Variants in DOCK1 observed in about 807,000 individuals in gnomAD.
DOCK1 encodes dedicator of cytokinesis 1.
DOCK1 carries 138 observed loss-of-function variants against 262.7 expected under a neutral mutation model. The ratio of observed to expected loss-of-function variants is 0.53; its 90% CI spans 0.46 to 0.61. The LOEUF is 0.61. DOCK1 is among the 20% of genes least tolerant of loss of function. The probability of loss-of-function intolerance (pLI) is 0.00; values close to 1 mark genes in which losing one functional copy is unlikely to be tolerated. For synonymous variants in DOCK1, 866 were observed against 867.4 expected (o/e 1.00, Z 0.03); for missense variants, 1,908 against 2,370.7 (o/e 0.80, Z 4.05).
intron 1 of DOCK1, among the ~76,000 whole-genome samples, chr10:126,926,507 C>A (rs76927609): frequency 0.015 from 2,231 of 152,240 alleles, 45 homozygotes; most frequent in African/African-American, 0.051. Context: ...ACTTAATAAA[C>A]ATTCTATGCC....
At chr10:126,917,318 G>A (rs539198075) in intron 1 of DOCK1, among the ~76,000 whole-genome samples, 7 of 152,342 alleles carry the variant, frequency 4.6e-5, no homozygotes, top group African/African-American at 1.4e-4. Flanking sequence ...CGGGCTTGTG[G>A]GTAATGAACT....
intron 22 of DOCK1, among the ~76,000 whole-genome samples, chr10:127,055,163 CTTTT>C (rs552748287): frequency 6.8e-6 from 1 of 146,908 alleles, no homozygotes; most frequent in African/African-American, 2.5e-5. Flanking sequence ...ATGGGGTTCA[CTTTT>C]TTTTTTTAGT....
intron 33 of DOCK1, among the ~76,000 whole-genome samples, chr10:127,366,079 A>G (rs1200567173): frequency 6.6e-6 from 1 of 152,132 alleles, no homozygotes; most frequent in Non-Finnish European, 1.5e-5. Context: ...CTGAAGACAC[A>G]GATTCACCCA....
intron 1 of DOCK1, among the ~76,000 whole-genome samples, chr10:126,939,559 C>T (rs942923542): frequency 3.9e-5 from 6 of 152,190 alleles, no homozygotes; most frequent in Admixed American, 6.5e-5. Flanking sequence ...ATTTTTCTCT[C>T]GTTTGTAGCA....
chr10:127,023,187 T>C lies in DOCK1; in HGVS notation c.1328-13T>C, dbSNP rs764919394. On this transcript the variant is annotated splice_polypyrimidine_tract_variant and intron_variant, in intron 13 of 51. Coordinates refer to ENST00000623213, the MANE Select transcript of DOCK1 (RefSeq NM_001290223.2). Reference sequence around the variant, plus strand: ...TGGATTGTTTTTTAAATGTATGATTTCTCCCCCCTCAGGTGATGTTCGAAA... The same window carrying C: ...TGGATTGTTTTTTAAATGTATGATTCCTCCCCCCTCAGGTGATGTTCGAAA... The C allele has an allele frequency of 3.6e-5, 58 of 1,612,012 alleles. 4 individuals carry two copies. The South Asian group carries it at 6.1e-4, about 17-fold the overall frequency.
intron 28 of DOCK1, among the ~76,000 whole-genome samples, chr10:127,249,426 T>C (rs1215969958): frequency 8.4e-5 from 5 of 59,418 alleles, no homozygotes; most frequent in African/African-American, 3.6e-4. Flanking sequence ...CATGTACATA[T>C]ATATATACAC....
chr10:127,036,043 T>TAAATTAAAA (rs1554870785), intron 18 of DOCK1, among the ~76,000 whole-genome samples: 1 of 147,562 alleles, frequency 6.8e-6, no homozygotes, highest in African/African-American at 2.5e-5. Context: ...AATAAATAAA[T>TAAATTAAAA]AAAAAAGAGT....
intron 16 of DOCK1, 73 bp downstream of exon 16, chr10:127,026,497 T>G: frequency 7.2e-7 from 1 of 1,389,336 alleles, no homozygotes; most frequent in Non-Finnish European, 1.0e-6. Flanking sequence ...GAGGCCACTC[T>G]CAGTTGTTCT....
At chr10:127,010,583 T>C (rs2041353303) in intron 11 of DOCK1, among the ~76,000 whole-genome samples, 1 of 152,194 alleles carries the variant, frequency 6.6e-6, no homozygotes, top group Non-Finnish European at 1.5e-5. Flanking sequence ...GGGCAGCACA[T>C]ACATAGCACA....
At chr10:127,114,859 C>T (rs987907184) in intron 25 of DOCK1, among the ~76,000 whole-genome samples, 8 of 150,908 alleles carry the variant, frequency 5.3e-5, no homozygotes, top group African/African-American at 1.7e-4. Flanking sequence ...CGGGTTCAAT[C>T]GATTCTCCTG....
chr10:127,330,578 C>T (rs2062933513), intron 29 of DOCK1, among the ~76,000 whole-genome samples: 1 of 152,176 alleles, frequency 6.6e-6, no homozygotes, highest in Non-Finnish European at 1.5e-5. Flanking sequence ...AATTCCACTT[C>T]TGGGTATCAT....
chr10:127,172,410 G>A (rs1270336730), intron 27 of DOCK1, among the ~76,000 whole-genome samples: 1 of 152,158 alleles, frequency 6.6e-6, no homozygotes, highest in African/African-American at 2.4e-5. Context: ...TGTCACTCCT[G>A]GGACTCTGTG....
chr10:127,271,846 T>C (rs575213639), intron 29 of DOCK1, among the ~76,000 whole-genome samples: 1 of 152,368 alleles, frequency 6.6e-6, no homozygotes, highest in South Asian at 2.1e-4. Flanking sequence ...AGTTACTCTT[T>C]TTATATTTGA....
At chr10:127,041,918 T>C (rs1171501238) in intron 19 of DOCK1, among the ~76,000 whole-genome samples, 1 of 152,138 alleles carries the variant, frequency 6.6e-6, no homozygotes, top group African/African-American at 2.4e-5. Flanking sequence ...AACACCGTGA[T>C]CTTCAGTCCG....
At chr10:127,087,038 G>C (rs2047240708) in intron 23 of DOCK1, among the ~76,000 whole-genome samples, 1 of 152,140 alleles carries the variant, frequency 6.6e-6, no homozygotes, top group South Asian at 2.1e-4. Flanking sequence ...GAGCGGGATT[G>C]GTAGAAGAGG....
At chr10:127,307,195 T>G (rs2061906479) in intron 29 of DOCK1, among the ~76,000 whole-genome samples, 1 of 152,244 alleles carries the variant, frequency 6.6e-6, no homozygotes, top group Non-Finnish European at 1.5e-5. Flanking sequence ...TCTTCTGTGT[T>G]GACAGCTGTC....
At chr10:127,305,451 G>A (rs1230866153) in intron 29 of DOCK1, among the ~76,000 whole-genome samples, 1 of 152,126 alleles carries the variant, frequency 6.6e-6, no homozygotes, top group Non-Finnish European at 1.5e-5. Context: ...GAGGATTTTT[G>A]TGTTCCTCGA....
At chr10:127,090,462 A>C (rs2047451355) in intron 23 of DOCK1, among the ~76,000 whole-genome samples, 1 of 138,972 alleles carries the variant, frequency 7.2e-6, no homozygotes, top group Non-Finnish European at 1.5e-5. Context: ...GGAGAATGGG[A>C]CTTTTTTTTT....
chr10:127,117,853 T>C (rs1176367147), intron 25 of DOCK1, among the ~76,000 whole-genome samples: 1 of 152,196 alleles, frequency 6.6e-6, no homozygotes, highest in African/African-American at 2.4e-5. Context: ...AACTGCATGA[T>C]GTGTTGTCTA....
Sources: allele counts gnomAD v4.1 joint callset (sites outside exome capture counted in the v4.1 genomes callset), GRCh38; gene constraint gnomAD v4.1.1; transcripts MANE v1.5; gene names NCBI Gene and HGNC (gene_info 2026-07-23, HGNC 2026-07-21).